Variants in SCARA3 observed in about 807,000 individuals in gnomAD.
SCARA3 encodes the protein cellular stress response gene protein.
Under a neutral mutation model 47.0 loss-of-function variants are expected in SCARA3, and 39 were observed. The ratio of observed to expected loss-of-function variants is 0.83; its 90% CI spans 0.64 to 1.08. SCARA3 has a LOEUF of 1.08. SCARA3 is among the 50% of genes least tolerant of loss of function. SCARA3 has a pLI of 0.00. For synonymous variants in SCARA3, 356 were observed against 334.1 expected (o/e 1.07, Z -0.71); for missense variants, 724 against 792.3 (o/e 0.91, Z 1.04).
chr8:27,668,887 G>T (rs1398919580), intron 5 of SCARA3, among the ~76,000 whole-genome samples: 1 of 152,164 alleles, frequency 6.6e-6, no homozygotes, highest in African/African-American at 2.4e-5. Context: ...AGAGACCAGG[G>T]AGGAGAGGTT....
At chr8:27,712,922 T>C in the SCARA3 span, among the ~76,000 whole-genome samples, 1 of 152,336 alleles carries the variant, frequency 6.6e-6, no homozygotes, top group African/African-American at 2.4e-5. Context: ...CAAAGTACTG[T>C]TTCCCCTAAA....
intron 5 of SCARA3, among the ~76,000 whole-genome samples, chr8:27,659,868 AAAAAAAAAAGAG>A (rs1429153709): frequency 7.8e-6 from 1 of 128,116 alleles, no homozygotes. Flanking sequence ...AAAAAAAAAA[AAAAAAAAAAGAG>A]AGAGAGAGAG....
At chr8:27,641,065 T>A (rs112965294) in intron 1 of SCARA3, among the ~76,000 whole-genome samples, 1 of 152,344 alleles carries the variant, frequency 6.6e-6, no homozygotes, top group Non-Finnish European at 1.5e-5. Flanking sequence ...ATGTAACCAA[T>A]CCCCTGGAGA....
the SCARA3 span, among the ~76,000 whole-genome samples, chr8:27,729,598 C>A: frequency 6.6e-6 from 1 of 152,208 alleles, no homozygotes; most frequent in Admixed American, 6.5e-5. Context: ...CGAGACCAGC[C>A]TGGCCAACAT....
chr8:27,698,889 A>C, the SCARA3 span, among the ~76,000 whole-genome samples: 1 of 151,942 alleles, frequency 6.6e-6, no homozygotes, highest in Non-Finnish European at 1.5e-5. Flanking sequence ...ATATAGTGGT[A>C]TCTATCTATC....
Position 27,671,045 on chromosome 8 carries a change from G to C in SCARA3, c.1515G>C (p.Gly505=). 1 of 1,612,584 alleles carries C rather than the reference G, an allele frequency of 6.2e-7. No individual in the cohort carries two copies. Among genetic ancestry groups the C allele is most frequent in the Admixed American group, 1.7e-5 (1 of 59,862 alleles). ...CTCAGGGGCAACCTGGAGAGGCCGG[G>C]CCTGTGGGAGAAAGGGGCCCTGTTG... is the stretch of plus-strand genomic sequence containing the variant. ...QGPQGQPGEA[G]PVGERGPVGP... Residue 505 remains glycine, a synonymous_variant, in exon 6 of 6, where the codon GGG becomes GGC. Transcript: ENST00000301904.
chr8:27,705,110 C>T, the SCARA3 span, among the ~76,000 whole-genome samples: 1 of 152,184 alleles, frequency 6.6e-6, no homozygotes, highest in Non-Finnish European at 1.5e-5. Flanking sequence ...CACTTTCCAC[C>T]CTGCATCCCC....
the SCARA3 span, among the ~76,000 whole-genome samples, chr8:27,682,237 A>G: frequency 1.3e-5 from 2 of 152,176 alleles, no homozygotes; most frequent in African/African-American, 4.8e-5. Flanking sequence ...AAAAAAATAT[A>G]TCTTGATGTT....
the SCARA3 span, among the ~76,000 whole-genome samples, chr8:27,725,534 A>AAC: frequency 5.9e-5 from 9 of 151,848 alleles, no homozygotes; most frequent in South Asian, 1.9e-3. Context: ...CCCTCCAAAA[A>AAC]AAAAAAAACC....
the SCARA3 span, among the ~76,000 whole-genome samples, chr8:27,690,928 C>T: frequency 6.6e-6 from 1 of 152,066 alleles, no homozygotes; most frequent in African/African-American, 2.4e-5. Flanking sequence ...AGTGATCCTC[C>T]CTCCTTAGAC....
chr8:27,672,161 C>A lies in SCARA3; in HGVS notation c.*810C>A, dbSNP rs764251666. 2 of 985,454 alleles carry A rather than the reference C, an allele frequency of 2.0e-6. No individual in the cohort carries two copies. The highest frequency in any genetic ancestry group is 2.4e-6 in the Non-Finnish European group (2 of 829,956). 61.0% of individuals were successfully genotyped at this position (985,454 alleles called of 1,614,324 possible). On this transcript the variant is annotated 3_prime_UTR_variant, in exon 6 of 6. Coordinates refer to ENST00000301904, the MANE Select transcript of SCARA3 (RefSeq NM_016240.3). The stretch of plus-strand genomic sequence containing the variant: ...CCCTGTCTGTCACAGCACAGTGGGG[C>A]CACGAGGCTGACATTCTCTGGCCTT...
chr8:27,653,067 C>A (rs1801666868), intron 3 of SCARA3, among the ~76,000 whole-genome samples: 1 of 152,224 alleles, frequency 6.6e-6, no homozygotes, highest in Admixed American at 6.5e-5. Context: ...GAGCCACGGT[C>A]TGCCTATCAG....
chr8:27,645,410 C>A (rs935634523), intron 1 of SCARA3, among the ~76,000 whole-genome samples: 1 of 152,264 alleles, frequency 6.6e-6, no homozygotes, highest in Non-Finnish European at 1.5e-5. Flanking sequence ...AGGGATGTAG[C>A]AAACTGCTAG....
chr8:27,648,001 C>CGAG (rs1158603172), intron 1 of SCARA3, among the ~76,000 whole-genome samples: 5 of 152,172 alleles, frequency 3.3e-5, no homozygotes, highest in African/African-American at 1.2e-4. Context: ...CAGGAGCCCC[C>CGAG]GAGGCTCCGC....
At chr8:27,710,914 G>GTTT in the SCARA3 span, among the ~76,000 whole-genome samples, 6 of 126,390 alleles carry the variant, frequency 4.7e-5, no homozygotes, top group African/African-American at 1.9e-4. Flanking sequence ...TCTCATAGGT[G>GTTT]ATTTTTTTTT....
intron 3 of SCARA3, among the ~76,000 whole-genome samples, chr8:27,652,509 C>T (rs1349312196): frequency 6.6e-6 from 1 of 152,150 alleles, no homozygotes; most frequent in Middle Eastern, 3.2e-3. Flanking sequence ...CCGAGGGGGG[C>T]CCCCTGCTCT....
At chr8:27,686,651 G>A in the SCARA3 span, among the ~76,000 whole-genome samples, 34 of 152,236 alleles carry the variant, frequency 2.2e-4, no homozygotes, top group East Asian at 6.2e-3. Context: ...TTTCTCCCTT[G>A]TTCTTTATTG....
intron 1 of SCARA3, among the ~76,000 whole-genome samples, chr8:27,638,983 A>C (rs537325725): frequency 1.3e-5 from 2 of 152,240 alleles, no homozygotes; most frequent in South Asian, 4.1e-4. Context: ...AAGATGTGAC[A>C]TGTGGGAGCT....
intron 1 of SCARA3, among the ~76,000 whole-genome samples, chr8:27,639,164 C>A (rs17467992): frequency 0.33 from 50,111 of 151,986 alleles, 10,461 homozygotes; most frequent in Non-Finnish European, 0.46. Flanking sequence ...TGAGTTGTTG[C>A]CCCAGCCCAC....
Sources: gnomAD v4.1 joint callset for allele counts (sites outside exome capture counted in the v4.1 genomes callset) on GRCh38, gnomAD v4.1.1 for gene constraint, MANE v1.5 for transcripts, NCBI Gene and HGNC (gene_info 2026-07-23, HGNC 2026-07-21) for gene names.